The following PRKG1 variants were observed in gnomAD, a reference collection of about 807,000 sequenced individuals.
PRKG1 encodes the protein protein kinase cGMP-dependent 1.
In PRKG1, 35 loss-of-function variants were observed where a neutral mutation model predicts 88.1. That is an observed-to-expected ratio of 0.40 (90% CI 0.30 to 0.53). The LOEUF is 0.53. PRKG1 is among the 20% of genes least tolerant of loss of function. The pLI is 0.59. For missense variants in PRKG1, 540 were observed against 839.8 expected, an observed-to-expected ratio of 0.64 and a Z score of 4.41; for synonymous variants, 303 against 292.5, an observed-to-expected ratio of 1.04 and a Z score of -0.37.
intron 14 of PRKG1, 38 bp downstream of exon 14, chr10:52,282,354 C>G: frequency 3.9e-6 from 6 of 1,541,020 alleles, no homozygotes; most frequent in Non-Finnish European, 5.3e-6. Flanking sequence ...TAAAAATAGA[C>G]CAGCATGCAG....
In PRKG1 at chr10:51,903,088, TA is replaced by T. The variant is rs541941197; in HGVS notation, c.699-4416del. Among the ~76,000 whole-genome samples, 4 of 152,240 alleles carry T rather than the reference TA, an allele frequency of 2.6e-5. No homozygotes were observed. In the East Asian group the frequency reaches 7.7e-4, roughly 29 times the overall value. On this transcript the variant is annotated intron_variant, in intron 4 of 17. Coordinates refer to ENST00000373980, the MANE Select transcript of PRKG1 (RefSeq NM_006258.4). ...ATTGTTTTCATGTAATAGGTTAACA[TA>T]AATAAAATTACTAAGATGAATTAAG... is the stretch of plus-strand genomic sequence containing the variant.
intron 3 of PRKG1, among the ~76,000 whole-genome samples, chr10:51,670,737 AAAAAAAATAAATAAATAAAT>A (rs1287107338): frequency 8.4e-6 from 1 of 119,378 alleles, no homozygotes; most frequent in African/African-American, 3.0e-5. Flanking sequence ...CTCCGTCTCA[AAAAAAAATAAATAAATAAAT>A]AAATAAATAA....
At position 51,554,030 on chromosome 10, in the gene PRKG1, TGTATATATTATATGTGCGTATGTGATAC is replaced by T. The variant is rs1564547296; in HGVS notation, c.592+86197_592+86224del. Among the ~76,000 whole-genome samples, 65 of 141,328 alleles carry T rather than the reference TGTATATATTATATGTGCGTATGTGATAC, an allele frequency of 4.6e-4. 3 individuals are homozygous for T. The highest frequency in any genetic ancestry group is 1.3e-3 in the South Asian group (6 of 4,668). 92.7% of individuals were successfully genotyped at this position (141,328 alleles called of 152,430 possible). On this transcript the variant is annotated intron_variant, in intron 3 of 17. Coordinates refer to ENST00000373980, the MANE Select transcript of PRKG1 (RefSeq NM_006258.4). ...ATATTATATGTGCGTATGTGATACG[TGTATATATTATATGTGCGTATGTGATAC>T]GTGTATATATTATATGTGCGTATGT...
chr10:51,850,491 A>T (rs1363080286), intron 4 of PRKG1, among the ~76,000 whole-genome samples: 1 of 150,720 alleles, frequency 6.6e-6, no homozygotes, highest in Non-Finnish European at 1.5e-5. Flanking sequence ...TTGCAATTTT[A>T]TATATATATA....
At chr10:52,116,847 T>A (rs935646148) in intron 7 of PRKG1, among the ~76,000 whole-genome samples, 6 of 151,896 alleles carry the variant, frequency 4.0e-5, no homozygotes, top group East Asian at 3.9e-4. Context: ...TTTTTTTTTT[T>A]AAAAGAAAAC....
chr10:51,862,237 G>C (rs1840895868), intron 4 of PRKG1, among the ~76,000 whole-genome samples: 1 of 152,162 alleles, frequency 6.6e-6, no homozygotes, highest in South Asian at 2.1e-4. Context: ...TGGCAAACAG[G>C]TGCATGTCAC....
intron 7 of PRKG1, among the ~76,000 whole-genome samples, chr10:52,121,320 A>G (rs954519861): frequency 1.3e-5 from 2 of 152,138 alleles, no homozygotes; most frequent in Admixed American, 6.5e-5. Context: ...AATAGGATCT[A>G]TCTTCCTTCC....
At chr10:51,588,194 C>T (rs2132201552) in intron 3 of PRKG1, among the ~76,000 whole-genome samples, 1 of 152,272 alleles carries the variant, frequency 6.6e-6, no homozygotes, top group African/African-American at 2.4e-5. Context: ...TTGCCCCAGG[C>T]ATTGAGTATA....
intron 5 of PRKG1, among the ~76,000 whole-genome samples, chr10:52,007,565 A>G (rs6480647): frequency 1 from 151,575 of 152,278 alleles, 75,439 homozygotes; most frequent in Middle Eastern, 1. Flanking sequence ...TGAATTCAAC[A>G]AGAAGACCTA....
intron 2 of PRKG1, among the ~76,000 whole-genome samples, chr10:51,363,750 C>T (rs181223329): frequency 2.3e-3 from 350 of 152,056 alleles, no homozygotes; most frequent in African/African-American, 8.2e-3. Flanking sequence ...AAAGTCAAAG[C>T]ATGTGAACCC....
At chr10:51,943,545 AATGCTTCC>A (rs1292348627) in intron 5 of PRKG1, among the ~76,000 whole-genome samples, 1 of 151,996 alleles carries the variant, frequency 6.6e-6, no homozygotes, top group African/African-American at 2.4e-5. Flanking sequence ...TTTCAAAGGG[AATGCTTCC>A]AGTTTTTGCC....
intron 5 of PRKG1, among the ~76,000 whole-genome samples, chr10:51,917,869 A>C (rs1365526472): frequency 1.3e-5 from 2 of 152,222 alleles, no homozygotes; most frequent in African/African-American, 4.8e-5. Context: ...CCATCATTAC[A>C]TAGAAAAAAA....
intron 4 of PRKG1, among the ~76,000 whole-genome samples, chr10:51,881,377 T>C (rs185265095): frequency 6.6e-6 from 1 of 152,326 alleles, no homozygotes; most frequent in Admixed American, 6.5e-5. Context: ...GCTCCACATG[T>C]CAGCTGGGTC....
chr10:51,043,045 T>C (rs1441844238), intron 1 of PRKG1, among the ~76,000 whole-genome samples: 1 of 152,098 alleles, frequency 6.6e-6, no homozygotes, highest in Non-Finnish European at 1.5e-5. Flanking sequence ...ACCACTCCCT[T>C]TATGGTATTT....
At chr10:51,341,612 G>A (rs1842005710) in intron 2 of PRKG1, among the ~76,000 whole-genome samples, 1 of 152,166 alleles carries the variant, frequency 6.6e-6, no homozygotes, top group Non-Finnish European at 1.5e-5. Flanking sequence ...AGCCACTTGT[G>A]ATTTAATGTG....
intron 3 of PRKG1, among the ~76,000 whole-genome samples, chr10:51,784,954 C>G (rs1838690873): frequency 6.6e-6 from 1 of 151,956 alleles, no homozygotes; most frequent in African/African-American, 2.4e-5. Context: ...AAGACTATGA[C>G]TAATTAAAAT....
rs577836617 is a variant in PRKG1 at position 52,156,235 on chromosome 10, G to A, written c.1002-5654G>A. On this transcript the variant is annotated intron_variant, in intron 8 of 17. Transcript: ENST00000373980. ...TAATTAGTTAGTTACTCATAAAAAT[G>A]TAATTGCTTTCCATGAAATTACTAT... 1.6e-3 allele frequency among the ~76,000 whole-genome samples: 240 copies of A among 151,996 alleles called. 1 individual carries two copies. The highest frequency in any genetic ancestry group is 2.8e-3 in the Non-Finnish European group (187 of 67,826).
rs375874767 is a variant in PRKG1, at chr10:51,107,323, C to T, written c.311+32422C>T. On this transcript the variant is annotated intron_variant, in intron 1 of 17. Transcript: ENST00000373980. The stretch of plus-strand genomic sequence containing the variant: ...TATCCCAATGCAATAGCAAACACTG[C>T]GAGGATTTTATAGTGGGGTGCGATA... 1.5e-3 allele frequency among the ~76,000 whole-genome samples: 225 copies of T among 151,812 alleles called. 3 individuals are homozygous for T. Among genetic ancestry groups the T allele is most frequent in the Admixed American group, 3.3e-3 (51 of 15,226 alleles).
intron 5 of PRKG1, among the ~76,000 whole-genome samples, chr10:51,963,715 T>C (rs1472253850): frequency 6.6e-6 from 1 of 152,148 alleles, no homozygotes; most frequent in African/African-American, 2.4e-5. Flanking sequence ...CCCCACATGC[T>C]GGGATTACAG....
Sources: gnomAD v4.1 joint callset for allele counts (sites outside exome capture counted in the v4.1 genomes callset) on GRCh38, gnomAD v4.1.1 for gene constraint, MANE v1.5 for transcripts, NCBI Gene and HGNC (gene_info 2026-07-23, HGNC 2026-07-21) for gene names.